Variants in SPTAN1 observed in about 807,000 individuals in gnomAD.
SPTAN1 encodes the protein spectrin alpha, non-erythrocytic 1, also known as spectrin alpha chain, non-erythrocytic 1.
In SPTAN1, 61 loss-of-function variants were observed where a neutral mutation model predicts 331.3. The ratio of observed to expected loss-of-function variants is 0.18; its 90% CI spans 0.15 to 0.23. The LOEUF is 0.23. Among genes scored for constraint, SPTAN1 ranks in the 10% least tolerant of loss-of-function variants. The pLI is 1.00. For synonymous variants in SPTAN1, 1,153 were observed against 1,173.9 expected (o/e 0.98, Z 0.36); for missense variants, 2,043 against 3,147.9 (o/e 0.65, Z 8.40).
At chr9:128,617,048 G>A (rs1428348876) in intron 41 of SPTAN1, among the ~76,000 whole-genome samples, 2 of 152,092 alleles carry the variant, frequency 1.3e-5, no homozygotes, top group East Asian at 1.9e-4. Context: ...GACCAGCCTG[G>A]GCAACATGGT....
chr9:128,555,270 A>T, intron 1 of SPTAN1: 1 of 1,024,586 alleles, frequency 9.8e-7, no homozygotes, highest in Non-Finnish European at 1.3e-6. Flanking sequence ...CATATTTTTT[A>T]AATAATCTGT....
intron 1 of SPTAN1, 150 bp from the exon 2 acceptor site, chr9:128,566,588 G>A: frequency 2.5e-6 from 3 of 1,180,684 alleles, no homozygotes; most frequent in Non-Finnish European, 3.6e-6. Context: ...TAGGATCTGG[G>A]CTTCATTGTT....
In SPTAN1 at chr9:128,593,995, T is replaced by C. The variant is rs1478169229; in HGVS notation, c.3216-180T>C. On this transcript the variant is annotated intron_variant, in intron 23 of 56. Coordinates refer to ENST00000372739, the MANE Select transcript of SPTAN1 (RefSeq NM_001130438.3). ...TACAGTGTGCGCATATCTCTCAGGC[T>C]GTGGCGTGGGTACTTGGGATCCTCG... 10 of 675,886 alleles carry C rather than the reference T, an allele frequency of 1.5e-5. No homozygotes were observed. The East Asian group carries it at 2.8e-4, about 19-fold the overall frequency. 41.9% of individuals were successfully genotyped at this position (675,886 alleles called of 1,614,324 possible).
chr9:128,575,907 C>T (rs562824814), intron 5 of SPTAN1, among the ~76,000 whole-genome samples: 105 of 152,274 alleles, frequency 6.9e-4, no homozygotes, highest in Non-Finnish European at 1.2e-3. Context: ...ATCAAGTACT[C>T]GGAACCAGAG....
chr9:128,597,355 GTC>G (rs1427945561), intron 24 of SPTAN1, among the ~76,000 whole-genome samples: 1 of 152,042 alleles, frequency 6.6e-6, no homozygotes, highest in Non-Finnish European at 1.5e-5. Flanking sequence ...TTTTAAAAAA[GTC>G]TCTATTTGAT....
intron 46 of SPTAN1, 84 bp downstream of exon 46, chr9:128,624,571 G>A (rs1438416677): frequency 4.6e-6 from 7 of 1,518,308 alleles, no homozygotes; most frequent in African/African-American, 1.4e-5. Context: ...CTTCTGCAGA[G>A]AAGAAACTGA....
At position 128,632,799 on chromosome 9, in the gene SPTAN1, C is replaced by G. The variant is rs187613754; in HGVS notation, c.7161-9C>G. On this transcript the variant is annotated splice_polypyrimidine_tract_variant and intron_variant, in intron 55 of 56. Coordinates refer to ENST00000372739, the MANE Select transcript of SPTAN1 (RefSeq NM_001130438.3). ...TCCCTGCTCAGGCTCTTGCTTCCCC[C>G]GCTCCTAGAGATGGCCATGTCTCCT... 1.5e-5 allele frequency: 25 copies of G among 1,614,074 alleles called. No homozygotes were observed. In the South Asian group the frequency reaches 2.6e-4, roughly 17 times the overall value.
chr9:128,621,596 A>T (rs1033173901), intron 45 of SPTAN1: 23 of 381,592 alleles, frequency 6.0e-5, no homozygotes, highest in African/African-American at 4.6e-4. Flanking sequence ...AATTACCCAT[A>T]AAGCCCCACC....
At chr9:128,569,871 A>C (rs998346995) in intron 3 of SPTAN1, among the ~76,000 whole-genome samples, 2 of 152,136 alleles carry the variant, frequency 1.3e-5, no homozygotes, top group Non-Finnish European at 2.9e-5. Context: ...GCAATACTCT[A>C]CAGTCTCATA....
In SPTAN1 at chr9:128,607,707, G is replaced by T. The variant is rs1856067067; in HGVS notation, c.4146+4G>T. ...GGCATTGCTGGAGCGACACCAGGTGGGTGGACCTGCCTGCTGAGTAGCAAA... is the reference window on the plus strand; with the variant it reads ...GGCATTGCTGGAGCGACACCAGGTGTGTGGACCTGCCTGCTGAGTAGCAAA... On this transcript the variant is annotated splice_donor_region_variant and intron_variant, in intron 32 of 56. Coordinates refer to ENST00000372739, the MANE Select transcript of SPTAN1 (RefSeq NM_001130438.3). 1 of 1,613,986 alleles carries T rather than the reference G, an allele frequency of 6.2e-7. No homozygotes were observed. The highest frequency in any genetic ancestry group is 1.3e-5 in the African/African-American group (1 of 75,000).
At chr9:128,621,542 T>C (rs1857858393) in intron 45 of SPTAN1, 2 of 516,540 alleles carry the variant, frequency 3.9e-6, no homozygotes, top group Non-Finnish European at 7.0e-6. Flanking sequence ...ACAGTCTCTT[T>C]ATAGGGACAG....
At chr9:128,582,947 A>G (rs1158129078) in intron 14 of SPTAN1, 98 bp downstream of exon 14, 2 of 1,589,012 alleles carry the variant, frequency 1.3e-6, no homozygotes, top group East Asian at 2.2e-5. Flanking sequence ...AAGGGATTCC[A>G]GAAACCCCAC....
In SPTAN1 at chr9:128,632,681, G is replaced by C. The variant is rs763633690; in HGVS notation, c.7123G>C (p.Glu2375Gln). ...PMVEEGEPDP[E>Q]FEAILDTVDP... The stretch of plus-strand genomic sequence containing the variant: ...GGTGGAGGAAGGGGAACCTGACCCT[G>C]AGTTCGAGGCAATCCTGGACACGGT... Residue 2375 changes from glutamate (E) to glutamine (Q), a missense_variant, in exon 55 of 57, where the codon GAG becomes CAG. By Grantham distance (29) the Glu-to-Gln change is conservative. This residue lies in a region of SPTAN1 where 58 missense variants were observed against 74.0 expected (regional missense o/e 0.78). Coordinates refer to ENST00000372739, the MANE Select transcript of SPTAN1 (RefSeq NM_001130438.3). 3.1e-6 allele frequency: 5 copies of C among 1,614,040 alleles called. No individual in the cohort carries two copies. The Admixed American group carries it at 8.3e-5, about 27-fold the overall frequency.
intron 1 of SPTAN1, among the ~76,000 whole-genome samples, chr9:128,558,785 C>A (rs1848953135): frequency 6.6e-6 from 1 of 152,158 alleles, no homozygotes; most frequent in African/African-American, 2.4e-5. Context: ...ATGTGGCACG[C>A]CCAGGCCGAG....
chr9:128,581,443 A>G (rs1851926960), intron 11 of SPTAN1, among the ~76,000 whole-genome samples: 1 of 148,848 alleles, frequency 6.7e-6, no homozygotes, highest in Non-Finnish European at 1.5e-5. Flanking sequence ...ACCGCACTCT[A>G]GCCTGTGCAA....
chr9:128,589,990 A>G (rs1853261730), intron 21 of SPTAN1, among the ~76,000 whole-genome samples: 1 of 152,236 alleles, frequency 6.6e-6, no homozygotes, highest in Non-Finnish European at 1.5e-5. Flanking sequence ...AATGACAATA[A>G]TAAATCCATC....
At position 128,625,333 on chromosome 9, in the gene SPTAN1, A is replaced by AGT; in HGVS notation, c.6069+154_6069+155insGT. 6.6e-6 allele frequency among the ~76,000 whole-genome samples: 1 copy of AGT among 152,138 alleles called. No individual in the cohort carries two copies. The highest frequency in any genetic ancestry group is 1.5e-5 in the Non-Finnish European group (1 of 68,022). ...TGGTCCTCAGGGAGCTTCCAGACTA[A>AGT]CTGGGGAAGCAGACACAGAACCAGG... On this transcript the variant is annotated intron_variant, in intron 47 of 56. Transcript: ENST00000372739. The surrounding 1 kb of genome is among the most constrained non-coding windows in gnomAD (Gnocchi z 4.1).
intron 35 of SPTAN1, 44 bp from the exon 36 acceptor site, chr9:128,609,078 G>A (rs560761835): frequency 1.2e-5 from 20 of 1,614,086 alleles, no homozygotes; most frequent in African/African-American, 1.1e-4. Context: ...CCTTCTCCAC[G>A]GTAAGATATG....
chr9:128,629,287 T>C lies in SPTAN1; in HGVS notation c.6708-1034T>C, dbSNP rs1366420156. ...CCCTGACTAACCTGCCGCCCTCGGC[T>C]GCTTGGGAAGGAGGGGTCTGTCCTC... On this transcript the variant is annotated intron_variant, in intron 51 of 56. Coordinates refer to ENST00000372739, the MANE Select transcript of SPTAN1 (RefSeq NM_001130438.3). This position sits in a 1 kb window ranked among gnomAD's most constrained non-coding sequence, Gnocchi z 4.9. The C allele has an allele frequency of 2.5e-6, 1 of 395,658 alleles. No individual in the cohort carries two copies. Among genetic ancestry groups the C allele is most frequent in the Admixed American group, 4.4e-5 (1 of 22,612 alleles). The allele number at this position is 395,658 out of a possible 1,614,324, so 24.5% of individuals were successfully genotyped here. A position where few individuals can be genotyped will look rare whatever the true frequency, so the allele number is the denominator to read the frequency against.
Sources: gnomAD v4.1 joint callset for allele counts (sites outside exome capture counted in the v4.1 genomes callset) on GRCh38, gnomAD v4.1.1 for gene constraint, gnomAD v4.1.1 regional missense constraint, Gnocchi (gnomAD v3.1) non-coding constraint, MANE v1.5 for transcripts, NCBI Gene and HGNC (gene_info 2026-07-23, HGNC 2026-07-21) for gene names.